SPIDR: variants seen among roughly 807,000 people sequenced by gnomAD.
SPIDR encodes the protein scaffold protein involved in DNA repair.
A neutral mutation model predicts 104.6 loss-of-function variants in SPIDR; 93 were observed. That is an observed-to-expected ratio of 0.89 (90% confidence interval 0.75 to 1.06). The LOEUF (loss-of-function observed/expected upper bound fraction) is 1.06. Ranked by LOEUF, SPIDR falls within the 50% of genes least tolerant of loss-of-function variation. The pLI, the probability that SPIDR is intolerant of heterozygous loss-of-function variation, is 0.00. For synonymous variants in SPIDR, 431 were observed against 416.9 expected, an observed-to-expected ratio of 1.03 and a Z score of -0.41; for missense variants, 1,154 against 1,111.2, an observed-to-expected ratio of 1.04 and a Z score of -0.55.
At chr8:47,642,156 G>T (rs900946008) in intron 10 of SPIDR, among the ~76,000 whole-genome samples, 2 of 152,230 alleles carry the variant, frequency 1.3e-5, no homozygotes, top group Non-Finnish European at 1.5e-5. Context: ...GGGCACAGTG[G>T]CAGACACCTG....
At chr8:47,352,100 A>AAC (rs1554622746) in intron 5 of SPIDR, among the ~76,000 whole-genome samples, 8 of 152,002 alleles carry the variant, frequency 5.3e-5, no homozygotes. Context: ...AACTTGATGA[A>AAC]ACCCCGTCTC....
At chr8:47,417,687 A>C (rs1285713221) in intron 7 of SPIDR, among the ~76,000 whole-genome samples, 1 of 152,188 alleles carries the variant, frequency 6.6e-6, no homozygotes, top group Non-Finnish European at 1.5e-5. Flanking sequence ...TTTAGACGTG[A>C]AGTCCTTGCC....
At chr8:47,348,300 T>C (rs1466799297) in intron 5 of SPIDR, among the ~76,000 whole-genome samples, 1 of 152,212 alleles carries the variant, frequency 6.6e-6, no homozygotes, top group African/African-American at 2.4e-5. Flanking sequence ...ACTTGCAGAG[T>C]GTCTGCCGAG....
chr8:47,411,797 T>G (rs376369888), intron 7 of SPIDR, among the ~76,000 whole-genome samples: 3,958 of 152,298 alleles, frequency 0.026, 280 homozygotes, highest in Admixed American at 0.15. Context: ...GGTCTAACAT[T>G]TAAGTCTTTA....
intron 11 of SPIDR, among the ~76,000 whole-genome samples, chr8:47,679,203 A>G (rs965114840): frequency 6.6e-6 from 1 of 152,222 alleles, no homozygotes; most frequent in Admixed American, 6.5e-5. Flanking sequence ...ACACAGACGC[A>G]TGTTTTAATG....
rs185905294 is a variant in SPIDR at position 47,729,433 on chromosome 8, T to C, written c.2572T>C (p.Ser858Pro). Residue 858 changes from serine (S) to proline (P), a missense_variant, in exon 19 of 20, where the codon TCC becomes CCC. Coordinates refer to ENST00000297423, the MANE Select transcript of SPIDR (RefSeq NM_001080394.4). ...GCAGCTGTTGCAGCGCAGCATTTCC[T>C]CCCTGCTGAGGTTTGCCGCCGGTGA... ...KVKLLQRSISSLLRFAAGEDG... is the reference protein window; with the variant it reads ...KVKLLQRSISPLLRFAAGEDG... The C allele has an allele frequency of 4.7e-5, 75 of 1,597,570 alleles. No homozygotes were observed. The highest frequency in any genetic ancestry group is 8.7e-5 in the Admixed American group (5 of 57,742).
At chr8:47,430,998 C>T (rs896569331) in intron 7 of SPIDR, among the ~76,000 whole-genome samples, 3 of 152,144 alleles carry the variant, frequency 2.0e-5, no homozygotes, top group African/African-American at 4.8e-5. Context: ...CTGTATGTAT[C>T]GCATTGTCCC....
At chr8:47,392,196 A>G (rs190633634) in intron 5 of SPIDR, among the ~76,000 whole-genome samples, 116 of 152,254 alleles carry the variant, frequency 7.6e-4, no homozygotes, top group African/African-American at 2.2e-3. Flanking sequence ...TGGGGAAACA[A>G]CCTCATCAAA....
chr8:47,729,317 G>T lies in SPIDR; in HGVS notation c.2551-95G>T, dbSNP rs1394172981. On this transcript the variant is annotated intron_variant, in intron 18 of 19. Coordinates refer to ENST00000297423, the MANE Select transcript of SPIDR (RefSeq NM_001080394.4). ...CTGAAGCTCTGAAGACAGGTGGTTT[G>T]GATATAACATGTTAATTTTCGGGAA... 1.2e-5 allele frequency: 18 copies of T among 1,508,718 alleles called. No homozygotes were observed. In the South Asian group the frequency reaches 1.7e-4, roughly 14 times the overall value. 93.5% of individuals were successfully genotyped at this position (1,508,718 alleles called of 1,614,324 possible).
chr8:47,429,830 TA>T (rs1554687837), intron 7 of SPIDR, among the ~76,000 whole-genome samples: 2 of 151,640 alleles, frequency 1.3e-5, no homozygotes, highest in African/African-American at 4.8e-5. Context: ...TTTATTTTAT[TA>T]TTATTATACT....
chr8:47,497,933 G>C (rs1026953559), intron 8 of SPIDR, among the ~76,000 whole-genome samples: 2 of 152,172 alleles, frequency 1.3e-5, no homozygotes, highest in Admixed American at 1.3e-4. Flanking sequence ...GTTTAACAAA[G>C]GGAATTGTGG....
Position 47,491,214 on chromosome 8 carries a change from A to G in SPIDR, c.1097+50672A>G, listed in dbSNP as rs1338402550. ...GTTTTTTACTGAAGCAATAGTTTTC[A>G]CTAAATTTTACCTAAATTGAAAAAA... On this transcript the variant is annotated intron_variant, in intron 8 of 19. Coordinates refer to ENST00000297423, the MANE Select transcript of SPIDR (RefSeq NM_001080394.4). Among the ~76,000 whole-genome samples, 3 of 152,164 alleles carry G rather than the reference A, an allele frequency of 2.0e-5. No homozygotes were observed. The East Asian group carries it at 5.8e-4, about 29-fold the overall frequency.
At chr8:47,302,588 G>A (rs2042305140) in intron 5 of SPIDR, among the ~76,000 whole-genome samples, 1 of 152,102 alleles carries the variant, frequency 6.6e-6, no homozygotes, top group Admixed American at 6.5e-5. Context: ...ATGTACCTTT[G>A]GTCTTTGATG....
chr8:47,375,730 GGTGCGCACCACT>G, intron 5 of SPIDR, among the ~76,000 whole-genome samples: 1 of 152,186 alleles, frequency 6.6e-6, no homozygotes, highest in Admixed American at 6.5e-5. Context: ...TGAGACTACA[GGTGCGCACCACT>G]GTGCCCAGAA....
At chr8:47,730,175 C>G (rs2084968917) in intron 19 of SPIDR, among the ~76,000 whole-genome samples, 1 of 152,110 alleles carries the variant, frequency 6.6e-6, no homozygotes, top group Non-Finnish European at 1.5e-5. Context: ...TGTGACTGTC[C>G]TGCCCTGAGA....
At chr8:47,617,890 A>T (rs952285889) in intron 10 of SPIDR, among the ~76,000 whole-genome samples, 2 of 152,096 alleles carry the variant, frequency 1.3e-5, no homozygotes, top group Non-Finnish European at 2.9e-5. Flanking sequence ...TCTGAGCCAC[A>T]TTGTTGGTGT....
intron 10 of SPIDR, among the ~76,000 whole-genome samples, chr8:47,614,535 T>A (rs941518940): frequency 1.3e-5 from 2 of 152,232 alleles, no homozygotes; most frequent in Non-Finnish European, 2.9e-5. Flanking sequence ...CTTGTTCCTT[T>A]TATGGCTGCA....
chr8:47,395,046 T>C (rs1554657396), intron 5 of SPIDR, among the ~76,000 whole-genome samples: 1 of 152,146 alleles, frequency 6.6e-6, no homozygotes, highest in African/African-American at 2.4e-5. Flanking sequence ...GGTTCCTTTT[T>C]TTGACTCTTA....
rs760685529 is a variant in SPIDR at position 47,595,802 on chromosome 8, C to G, written c.1098-9C>G. 22 of 1,613,014 alleles carry G rather than the reference C, an allele frequency of 1.4e-5. No homozygotes were observed. The Admixed American group carries it at 1.5e-4, about 11-fold the overall frequency. ...CAAAGAAACTGTTGCATGTCTTTCTCTTTTCCAGGCAAAAACTGATTATTC... is the reference window on the plus strand; with the variant it reads ...CAAAGAAACTGTTGCATGTCTTTCTGTTTTCCAGGCAAAAACTGATTATTC... On this transcript the variant is annotated splice_polypyrimidine_tract_variant and intron_variant, in intron 8 of 19. Transcript: ENST00000297423.
Sources: allele counts gnomAD v4.1 joint callset (sites outside exome capture counted in the v4.1 genomes callset), GRCh38; gene constraint gnomAD v4.1.1; transcripts MANE v1.5; gene names NCBI Gene and HGNC (gene_info 2026-07-23, HGNC 2026-07-21).